Variants in SBF2 observed in about 807,000 individuals in gnomAD.
SBF2 encodes myotubularin-related protein 13.
In SBF2, 112 loss-of-function variants were observed where a neutral mutation model predicts 225.2. That is an observed-to-expected ratio of 0.50 (90% CI 0.43 to 0.58). SBF2 has a LOEUF of 0.58. Among genes scored for constraint, SBF2 ranks in the 20% least tolerant of loss-of-function variants. The pLI is 0.00. For missense variants in SBF2, 1,996 were observed against 2,206.2 expected (o/e 0.90, Z 1.91); for synonymous variants, 763 against 773.3 (o/e 0.99, Z 0.22).
Position 9,808,911 on chromosome 11 carries a change from A to ACTCCTCC in SBF2, c.4246_4247insGGAGGAG (p.Ile1416ArgfsTer16). ...TGTCTAATAGTTTACTTGTGCAGTG[A>ACTCCTCC]TGTCCCAGCCTTCCTCCAAACAGAC... On this transcript the variant is annotated frameshift_variant, in exon 31 of 40. Transcript: ENST00000256190. LOFTEE classifies it high-confidence loss of function. The ACTCCTCC allele has an allele frequency of 6.2e-7, 1 of 1,610,586 alleles. No homozygotes were observed. Among genetic ancestry groups the ACTCCTCC allele is most frequent in the South Asian group, 1.1e-5 (1 of 91,006 alleles).
chr11:10,114,794 A>C (rs1158858945), intron 2 of SBF2, among the ~76,000 whole-genome samples: 1 of 152,262 alleles, frequency 6.6e-6, no homozygotes, highest in East Asian at 1.9e-4. Context: ...TTTTTCTATT[A>C]TCTTCAGTTC....
intron 16 of SBF2, among the ~76,000 whole-genome samples, chr11:9,899,014 C>A (rs1861502244): frequency 6.6e-6 from 1 of 151,390 alleles, no homozygotes. Flanking sequence ...AAATGACCAA[C>A]AGTGTTACAT....
At chr11:10,286,166 GCACACACACACACACACACACA>G (rs57445416) in intron 1 of SBF2, among the ~76,000 whole-genome samples, 1 of 147,238 alleles carries the variant, frequency 6.8e-6, no homozygotes, top group Non-Finnish European at 1.5e-5. Context: ...ACACGCACAC[GCACACACACACACACACACACA>G]CACACACGGT....
In SBF2 at chr11:9,961,873, G is replaced by C. The variant is rs765327525; in HGVS notation, c.1860+84C>G. ...ATTAGCTGTGGTAGGCTCAAGAACT[G>C]ATATATTGGTAATTACAAAATATTC... is the stretch of plus-strand genomic sequence containing the variant. On this transcript the variant is annotated intron_variant, in intron 16 of 39. Transcript: ENST00000256190. The C allele has an allele frequency of 1.2e-5, 15 of 1,300,738 alleles. No individual in the cohort carries two copies. In the African/African-American group the frequency reaches 2.0e-4, roughly 18 times the overall value. 80.6% of individuals were successfully genotyped at this position (1,300,738 alleles called of 1,614,324 possible).
chr11:10,193,512 G>A (rs568414419), intron 2 of SBF2, among the ~76,000 whole-genome samples: 68 of 151,796 alleles, frequency 4.5e-4, no homozygotes, highest in African/African-American at 1.4e-3. Flanking sequence ...CCGCCACCAC[G>A]CCCGGCTAAT....
At chr11:10,020,023 C>G (rs1200879342) in intron 6 of SBF2, among the ~76,000 whole-genome samples, 1 of 152,068 alleles carries the variant, frequency 6.6e-6, no homozygotes, top group African/African-American at 2.4e-5. Context: ...AGCAGGAGAA[C>G]CTCCTTCCCC....
At chr11:9,898,013 T>C (rs934086266) in intron 16 of SBF2, among the ~76,000 whole-genome samples, 4 of 151,924 alleles carry the variant, frequency 2.6e-5, no homozygotes, top group African/African-American at 7.2e-5. Context: ...GCAGAAGGCT[T>C]AGAGCTGCCT....
At chr11:10,259,250 T>C (rs11042693) in intron 1 of SBF2, among the ~76,000 whole-genome samples, 2,244 of 152,322 alleles carry the variant, frequency 0.015, 51 homozygotes, top group African/African-American at 0.05. Context: ...ACATCTTTTA[T>C]TGTTAAGATG....
chr11:10,200,007 C>G (rs990513957), intron 1 of SBF2, among the ~76,000 whole-genome samples: 3 of 152,122 alleles, frequency 2.0e-5, no homozygotes, highest in African/African-American at 7.2e-5. Flanking sequence ...TAGGGGCATG[C>G]TATTGTAATC....
At chr11:10,011,131 C>G (rs181767971) in intron 6 of SBF2, among the ~76,000 whole-genome samples, 17 of 152,288 alleles carry the variant, frequency 1.1e-4, no homozygotes, top group African/African-American at 4.1e-4. Context: ...TCTATTTACC[C>G]ACAGATTTCC....
At chr11:10,277,552 C>T (rs1438105844) in intron 1 of SBF2, among the ~76,000 whole-genome samples, 2 of 152,274 alleles carry the variant, frequency 1.3e-5, no homozygotes, top group East Asian at 1.9e-4. Context: ...AGTTGAATAG[C>T]GTTGTCCAAA....
chr11:10,093,996 T>C (rs886678090), intron 2 of SBF2, among the ~76,000 whole-genome samples: 3 of 152,196 alleles, frequency 2.0e-5, no homozygotes, highest in Non-Finnish European at 4.4e-5. Flanking sequence ...GCATAAAATT[T>C]GGAAAGTACT....
chr11:9,958,336 G>T (rs1051527096), intron 16 of SBF2: 2 of 150,684 alleles, frequency 1.3e-5, no homozygotes, highest in African/African-American at 4.9e-5. Context: ...AATTTAAAAA[G>T]ACCCTCATAT....
chr11:10,167,632 T>C (rs768304381), intron 2 of SBF2, among the ~76,000 whole-genome samples: 2 of 151,626 alleles, frequency 1.3e-5, no homozygotes, highest in Admixed American at 1.3e-4. Flanking sequence ...ATAGGAAATA[T>C]GAAAAATGCT....
chr11:10,166,651 G>T (rs957575877), intron 2 of SBF2, among the ~76,000 whole-genome samples: 10 of 152,198 alleles, frequency 6.6e-5, no homozygotes, highest in African/African-American at 2.4e-4. Context: ...GAAAGTAATA[G>T]AATTATTTTT....
At chr11:9,875,959 AT>A (rs35451800) in intron 17 of SBF2, among the ~76,000 whole-genome samples, 111 of 149,194 alleles carry the variant, frequency 7.4e-4, no homozygotes, top group East Asian at 6.6e-3. Flanking sequence ...AACCTCAGAG[AT>A]TTTTTTTTTT....
chr11:10,262,020 T>A (rs890259598), intron 1 of SBF2, among the ~76,000 whole-genome samples: 1 of 152,178 alleles, frequency 6.6e-6, no homozygotes, highest in Admixed American at 6.5e-5. Flanking sequence ...TCTTAATACA[T>A]GTTTAAATTA....
At chr11:9,893,153 AC>A (rs1860975292) in intron 17 of SBF2, among the ~76,000 whole-genome samples, 1 of 152,236 alleles carries the variant, frequency 6.6e-6, no homozygotes, top group Non-Finnish European at 1.5e-5. Context: ...TGCTGGCAAG[AC>A]CCAGGAATTT....
intron 9 of SBF2, among the ~76,000 whole-genome samples, chr11:9,994,409 A>G (rs961906037): frequency 1.3e-5 from 2 of 151,032 alleles, no homozygotes; most frequent in Non-Finnish European, 3.0e-5. Context: ...CGGGAGGCGG[A>G]GCTTGCAGTG....
Sources: gnomAD v4.1 joint callset for allele counts (sites outside exome capture counted in the v4.1 genomes callset) on GRCh38, gnomAD v4.1.1 for gene constraint, MANE v1.5 for transcripts, NCBI Gene and HGNC (gene_info 2026-07-23, HGNC 2026-07-21) for gene names.